PLEKHM3: variants seen among roughly 807,000 people sequenced by gnomAD.
The protein encoded by PLEKHM3 is pleckstrin homology domain-containing family M member 3.
A neutral mutation model predicts 81.8 loss-of-function variants in PLEKHM3; 45 were observed. The observed-to-expected ratio is 0.55, with a 90% CI of 0.43 to 0.71. The LOEUF is 0.71. Ranked by LOEUF, PLEKHM3 falls within the 30% of genes least tolerant of loss-of-function variation. PLEKHM3 has a pLI of 0.00. For synonymous variants in PLEKHM3, 352 were observed against 356.4 expected, an observed-to-expected ratio of 0.99 and a Z score of 0.14; for missense variants, 788 against 924.3, an observed-to-expected ratio of 0.85 and a Z score of 1.91.
chr2:207,977,053 A>G lies in PLEKHM3; in HGVS notation c.1144T>C (p.Phe382Leu), dbSNP rs374383030. ...TVQNNWKAFT[F>L]VLSRAYLMAF... Reference sequence around the variant, plus strand: ...ATAAGGTAAGCCCTGCTCAGCACAAATGTAAATGCCTTCCAGTTGTTTTGG... The same window carrying G: ...ATAAGGTAAGCCCTGCTCAGCACAAGTGTAAATGCCTTCCAGTTGTTTTGG... Residue 382 changes from phenylalanine to leucine, a missense_variant, in exon 3 of 8, where the codon TTT becomes CTT. By Grantham distance (22) the Phe-to-Leu change is conservative. Coordinates refer to ENST00000427836, the MANE Select transcript of PLEKHM3 (RefSeq NM_001080475.3). 1 of 1,614,102 alleles carries G rather than the reference A, an allele frequency of 6.2e-7. No individual in the cohort carries two copies. Among genetic ancestry groups the G allele is most frequent in the African/African-American group, 1.3e-5 (1 of 74,936 alleles).
At chr2:207,918,900 G>A (rs115351474) in intron 5 of PLEKHM3, among the ~76,000 whole-genome samples, 32 of 152,242 alleles carry the variant, frequency 2.1e-4, no homozygotes, top group African/African-American at 7.2e-4. Flanking sequence ...AAAGCAAAAC[G>A]TCTACATTCA....
chr2:207,969,332 A>G (rs989213108), intron 3 of PLEKHM3, among the ~76,000 whole-genome samples: 8 of 152,208 alleles, frequency 5.3e-5, no homozygotes, highest in African/African-American at 1.7e-4. Context: ...CCAGAAGCCA[A>G]TAAGTAACTA....
chr2:207,982,319 G>T (rs1691558731), intron 2 of PLEKHM3, among the ~76,000 whole-genome samples: 1 of 149,360 alleles, frequency 6.7e-6, no homozygotes, highest in Non-Finnish European at 1.5e-5. Context: ...ACCCAGGCTG[G>T]ACAGCAGTGG....
chr2:207,865,231 T>C (rs745606911), intron 6 of PLEKHM3, among the ~76,000 whole-genome samples: 2 of 152,208 alleles, frequency 1.3e-5, no homozygotes, highest in Non-Finnish European at 2.9e-5. Flanking sequence ...TAAATACGTA[T>C]ATCCCGTCAT....
chr2:207,995,938 A>G (rs938816764), intron 2 of PLEKHM3, among the ~76,000 whole-genome samples: 1 of 152,250 alleles, frequency 6.6e-6, no homozygotes, highest in Admixed American at 6.5e-5. Context: ...GGAACAGAGA[A>G]AAGTTGAAAA....
At chr2:207,914,072 AC>A (rs1688901999) in intron 5 of PLEKHM3, among the ~76,000 whole-genome samples, 1 of 152,144 alleles carries the variant, frequency 6.6e-6, no homozygotes, top group Non-Finnish European at 1.5e-5. Flanking sequence ...TAATTACTCA[AC>A]AGGGCGCAGT....
chr2:207,961,650 A>C (rs1690738720), intron 3 of PLEKHM3, among the ~76,000 whole-genome samples: 3 of 152,170 alleles, frequency 2.0e-5, no homozygotes, highest in African/African-American at 7.2e-5. Flanking sequence ...GATAGTGGAG[A>C]TCACAGAGTC....
intron 5 of PLEKHM3, among the ~76,000 whole-genome samples, chr2:207,913,918 T>C (rs1227666904): frequency 7.7e-6 from 1 of 130,056 alleles, no homozygotes; most frequent in Non-Finnish European, 1.7e-5. Context: ...CACATGTGTA[T>C]GTGCGTGCAT....
intron 3 of PLEKHM3, among the ~76,000 whole-genome samples, chr2:207,967,206 G>T (rs1240203647): frequency 6.6e-6 from 1 of 151,888 alleles, no homozygotes; most frequent in African/African-American, 2.4e-5. Flanking sequence ...TGTTGCTCAG[G>T]CTGGTCTCAA....
chr2:207,995,690 G>C (rs997286928), intron 2 of PLEKHM3, among the ~76,000 whole-genome samples: 2 of 152,176 alleles, frequency 1.3e-5, no homozygotes, highest in Middle Eastern at 3.2e-3. Flanking sequence ...AATTATCAGT[G>C]CACAAAGTGT....
intron 7 of PLEKHM3, among the ~76,000 whole-genome samples, chr2:207,836,470 C>T (rs2092320255): frequency 2.6e-5 from 4 of 152,234 alleles, no homozygotes; most frequent in Middle Eastern, 3.4e-3. Flanking sequence ...AGGCCAGACA[C>T]GATGCTCTTA....
chr2:207,905,041 T>C (rs1397716301), intron 6 of PLEKHM3, among the ~76,000 whole-genome samples: 6 of 152,222 alleles, frequency 3.9e-5, no homozygotes, highest in Admixed American at 3.3e-4. Context: ...AAGAGGAAAA[T>C]GTCTGTTTTG....
Position 207,828,465 on chromosome 2 carries a change from C to T in PLEKHM3, c.2140G>A (p.Glu714Lys). ...CESCGAVFHS[E>K]CKEKSVPCPR... Reference sequence around the variant, plus strand: ...CAGGGGACAGACTTTTCTTTGCATTCAGAATGGAAAACGGCTCCACAGCTT... The same window carrying T: ...CAGGGGACAGACTTTTCTTTGCATTTAGAATGGAAAACGGCTCCACAGCTT... Residue 714 changes from glutamate to lysine, a missense_variant, in exon 8 of 8, where the codon GAA (glutamate) becomes AAA (lysine). Physicochemically the swap from Glu to Lys is moderately conservative, Grantham distance 56. Transcript: ENST00000427836. The T allele has an allele frequency of 6.2e-7, 1 of 1,614,046 alleles. No individual in the cohort carries two copies.
Position 208,004,771 on chromosome 2 carries a change from A to G in PLEKHM3, c.-318-2814T>C, listed in dbSNP as rs573369242. On this transcript the variant is annotated intron_variant, in intron 1 of 7. Transcript: ENST00000427836. ...TGCAGTTCTCTGCCCTAGACTCTTG[A>G]TCTCCCTTACTCTGCTTCTGTTTAA... 1.8e-3 allele frequency among the ~76,000 whole-genome samples: 270 copies of G among 151,980 alleles called. 2 individuals are homozygous for G. Among genetic ancestry groups the G allele is most frequent in the Admixed American group, 2.9e-3 (45 of 15,272 alleles).
At chr2:207,828,594 A>C (rs1575258415) in intron 7 of PLEKHM3, 98 bp from the exon 8 acceptor site, 1 of 1,137,876 alleles carries the variant, frequency 8.8e-7, no homozygotes, top group Non-Finnish European at 1.2e-6. Flanking sequence ...GGCACAATCT[A>C]CTGTTCTGGA....
At chr2:207,988,132 C>A (rs1691786415) in intron 2 of PLEKHM3, among the ~76,000 whole-genome samples, 1 of 152,176 alleles carries the variant, frequency 6.6e-6, no homozygotes, top group Non-Finnish European at 1.5e-5. Context: ...TCCATACCAT[C>A]TTCACTTTCC....
In PLEKHM3 at chr2:207,976,954, T is replaced by C. The variant is rs913701514; in HGVS notation, c.1243A>G (p.Met415Val). The C allele has an allele frequency of 6.2e-7, 1 of 1,614,218 alleles. No individual in the cohort carries two copies. The highest frequency in any genetic ancestry group is 8.5e-7 in the Non-Finnish European group (1 of 1,180,034). The change falls in exon 3 of 8, where the codon ATG becomes GTG. Residue 415 changes from methionine (M) to valine (V), a missense_variant. Physicochemically the swap from Met to Val is conservative, Grantham distance 21. Coordinates refer to ENST00000427836, the MANE Select transcript of PLEKHM3 (RefSeq NM_001080475.3). This position sits in a 1 kb window ranked among gnomAD's most constrained non-coding sequence, Gnocchi z 4.1. ...YNVDVCLAVQ[M>V]DNLDGCDSCF... ...GAGTCGCAGCCATCCAGGTTGTCCA[T>C]CTGGACAGCCAGACACACGTCCACG...
intron 3 of PLEKHM3, among the ~76,000 whole-genome samples, chr2:207,974,863 ACT>A (rs1691253018): frequency 6.8e-6 from 1 of 147,442 alleles, no homozygotes; most frequent in African/African-American, 2.5e-5. Context: ...ATGGAGTCTC[ACT>A]CTGTCAACCA....
chr2:207,832,086 A>C (rs1184204667), intron 7 of PLEKHM3, among the ~76,000 whole-genome samples: 1 of 152,210 alleles, frequency 6.6e-6, no homozygotes, highest in African/African-American at 2.4e-5. Flanking sequence ...CTGGTGCAGC[A>C]AACACCCATG....
Sources: gnomAD v4.1 joint callset for allele counts (sites outside exome capture counted in the v4.1 genomes callset) on GRCh38, gnomAD v4.1.1 for gene constraint, Gnocchi (gnomAD v3.1) non-coding constraint, MANE v1.5 for transcripts, NCBI Gene and HGNC (gene_info 2026-07-23, HGNC 2026-07-21) for gene names.